Variants in UTP4 observed in about 807,000 individuals in gnomAD.
UTP4 encodes the protein U3 small nucleolar RNA-associated protein 4 homolog.
In UTP4, 45 loss-of-function variants were observed where a neutral mutation model predicts 82.4. That is an observed-to-expected ratio of 0.55 (90% CI 0.43 to 0.70). The LOEUF (loss-of-function observed/expected upper bound fraction) is 0.70, where lower values mean the gene tolerates loss of function less well. UTP4 is among the 30% of genes least tolerant of loss of function. The pLI is 0.00. For synonymous variants in UTP4, 348 were observed against 300.3 expected (o/e 1.16, Z -1.64); for missense variants, 819 against 858.3 (o/e 0.95, Z 0.57).
At chr16:69,159,809 G>A (rs781278289) in intron 12 of UTP4, among the ~76,000 whole-genome samples, 1 of 152,130 alleles carries the variant, frequency 6.6e-6, no homozygotes, top group Non-Finnish European at 1.5e-5. Flanking sequence ...CCAACATGGT[G>A]AAACCCCATC....
chr16:69,166,191 A>G, intron 15 of UTP4: 1 of 168,584 alleles, frequency 5.9e-6, no homozygotes, highest in Admixed American at 5.6e-5. Context: ...CATTGTGGCC[A>G]TGCCTGTCCT....
chr16:69,154,273 T>C (rs2152281336), intron 9 of UTP4, 120 bp from the exon 10 acceptor site: 1 of 773,320 alleles, frequency 1.3e-6, no homozygotes, highest in African/African-American at 1.7e-5. Flanking sequence ...AGTGAGCTTG[T>C]ATTTTTCTGA....
At position 69,153,677 on chromosome 16, in the gene UTP4, A is replaced by G. The variant is rs1331790193; in HGVS notation, c.1096A>G (p.Thr366Ala). 6 of 1,609,234 alleles carry G rather than the reference A, an allele frequency of 3.7e-6. No individual in the cohort carries two copies. Among genetic ancestry groups the G allele is most frequent in the Non-Finnish European group, 5.1e-6 (6 of 1,176,472 alleles). ...TTGGCGACTGGGATCCACAGTTGCA[A>G]CAGGTAAGATGGGAGCACGTTTTTT... The part of the protein sequence containing the change: ...ELWRLGSTVA[T>A]GKNGDTLPLS... Residue 366 changes from threonine (T) to alanine (A), a missense_variant, in exon 9 of 17, where the codon ACA (threonine) becomes GCA (alanine). Coordinates refer to ENST00000314423, the MANE Select transcript of UTP4 (RefSeq NM_032830.3).
At chr16:69,132,996 C>CG in intron 1 of UTP4, 1 of 235,166 alleles carries the variant, frequency 4.3e-6, no homozygotes, top group South Asian at 5.0e-5. Flanking sequence ...TGGCGGGCGT[C>CG]GGGGGGACGG....
Position 69,163,128 on chromosome 16 carries a change from G to A in UTP4, c.1597G>A (p.Ala533Thr), listed in dbSNP as rs1963606038. The change falls in exon 14 of 17, where the codon GCT (alanine) becomes ACT (threonine). Residue 533 changes from alanine (A) to threonine (T), a missense_variant. Ala to Thr is a moderately conservative substitution (Grantham distance 58, BLOSUM62 0). Transcript: ENST00000314423. The stretch of plus-strand genomic sequence containing the variant: ...TTACAATTTCCCAGTGACTGCTATG[G>A]CTATTGCCCCCAATACCAACAACCT... Reference protein sequence around the residue: ...PAYNFPVTAMAIAPNTNNLVI... With the variant: ...PAYNFPVTAMTIAPNTNNLVI... 6.2e-7 allele frequency: 1 copy of A among 1,614,142 alleles called. No homozygotes were observed. Among genetic ancestry groups the A allele is most frequent in the Non-Finnish European group, 8.5e-7 (1 of 1,180,024 alleles).
chr16:69,157,418 G>C (rs1220253234), intron 12 of UTP4, among the ~76,000 whole-genome samples, 178 bp downstream of exon 12: 3 of 152,134 alleles, frequency 2.0e-5, no homozygotes, highest in African/African-American at 7.2e-5. Context: ...CTCTCGATGA[G>C]ATCTGCAATG....
intron 6 of UTP4, among the ~76,000 whole-genome samples, chr16:69,144,200 C>CTTT (rs774169593): frequency 7.1e-6 from 1 of 140,590 alleles, no homozygotes; most frequent in Non-Finnish European, 1.5e-5. Flanking sequence ...TTTTCTCTCT[C>CTTT]TTTTTTTTTT....
chr16:69,152,636 A>G (rs1963305069), intron 8 of UTP4, among the ~76,000 whole-genome samples: 1 of 150,532 alleles, frequency 6.6e-6, no homozygotes. Flanking sequence ...CGCCTAGGTA[A>G]TTTTTTTTGT....
chr16:69,159,541 A>G (rs927560457), intron 12 of UTP4, among the ~76,000 whole-genome samples: 2 of 152,110 alleles, frequency 1.3e-5, no homozygotes, highest in Admixed American at 1.3e-4. Flanking sequence ...TACAAAAATT[A>G]GCTGGGTGTG....
At chr16:69,133,021 C>CA in intron 1 of UTP4, 1 of 261,874 alleles carries the variant, frequency 3.8e-6, no homozygotes, top group South Asian at 3.9e-5. Context: ...GGGTAAGTGA[C>CA]AGACGTCAGA....
chr16:69,156,996 T>G, intron 11 of UTP4, 88 bp from the exon 12 acceptor site: 1 of 1,399,258 alleles, frequency 7.1e-7, no homozygotes, highest in Non-Finnish European at 1.0e-6. Flanking sequence ...CAGGAAGCAT[T>G]AATGTACCTT....
intron 10 of UTP4, among the ~76,000 whole-genome samples, chr16:69,154,704 TTTTATTTATTTATTTA>T (rs34852514): frequency 1.4e-5 from 2 of 147,024 alleles, no homozygotes; most frequent in Non-Finnish European, 3.0e-5. Flanking sequence ...AATAATGTGC[TTTTATTTATTTATTTA>T]TTTATTTATT....
intron 11 of UTP4, among the ~76,000 whole-genome samples, chr16:69,156,543 C>G (rs1567378087): frequency 6.6e-6 from 1 of 151,806 alleles, no homozygotes; most frequent in Non-Finnish European, 1.5e-5. Context: ...ACCGCAATCT[C>G]TGCCTCTCGG....
rs138835335 is a variant in UTP4 at position 69,141,021 on chromosome 16, G to A, written c.526+1107G>A. Among the ~76,000 whole-genome samples, 11 of 152,000 alleles carry A rather than the reference G, an allele frequency of 7.2e-5. No individual in the cohort carries two copies. In the East Asian group the frequency reaches 1.7e-3, roughly 24 times the overall value. On this transcript the variant is annotated intron_variant, in intron 5 of 16. Coordinates refer to ENST00000314423, the MANE Select transcript of UTP4 (RefSeq NM_032830.3). Reference sequence around the variant, plus strand: ...ACATAGTAAATTTTCTTTCTTTTCCGGTATACTTATTGTTTAATAGTGTCT... The same window carrying A: ...ACATAGTAAATTTTCTTTCTTTTCCAGTATACTTATTGTTTAATAGTGTCT...
intron 13 of UTP4, among the ~76,000 whole-genome samples, chr16:69,162,129 A>G (rs1428018247): frequency 2.6e-5 from 4 of 151,720 alleles, no homozygotes; most frequent in Non-Finnish European, 5.9e-5. Context: ...CACCACACCC[A>G]GCTAATTTTT....
rs1011903554 is a variant in UTP4 at position 69,155,742 on chromosome 16, G to A, written c.1165-129G>A. The A allele has an allele frequency of 1.3e-5, 13 of 983,656 alleles. No homozygotes were observed. The African/African-American group carries it at 1.9e-4, about 14-fold the overall frequency. The allele number at this position is 983,656 out of a possible 1,614,324, so 60.9% of individuals were successfully genotyped here. On this transcript the variant is annotated intron_variant, in intron 10 of 16. Coordinates refer to ENST00000314423, the MANE Select transcript of UTP4 (RefSeq NM_032830.3). ...ATAATCATATTAATGCAGACCACACGAGGATCGAGATTATGTGTAGATATC... is the reference window on the plus strand; with the variant it reads ...ATAATCATATTAATGCAGACCACACAAGGATCGAGATTATGTGTAGATATC...
At chr16:69,154,270 T>C in intron 9 of UTP4, 123 bp from the exon 10 acceptor site, 5 of 755,438 alleles carry the variant, frequency 6.6e-6, no homozygotes. Context: ...CTCAGTGAGC[T>C]TGTATTTTTC....
At chr16:69,163,684 T>TA (rs35216155) in intron 14 of UTP4, among the ~76,000 whole-genome samples, 27,069 of 142,252 alleles carry the variant, frequency 0.19, 2,822 homozygotes, top group African/African-American at 0.29. Context: ...AGGAGATCTT[T>TA]AAAAAAAAAA....
chr16:69,165,261 C>A, intron 14 of UTP4, 80 bp from the exon 15 acceptor site: 3 of 1,212,600 alleles, frequency 2.5e-6, no homozygotes, highest in Non-Finnish European at 3.7e-6. Flanking sequence ...TGTATAGATA[C>A]TTTCTGGTTA....
Sources: allele counts gnomAD v4.1 joint callset (sites outside exome capture counted in the v4.1 genomes callset), GRCh38; gene constraint gnomAD v4.1.1; transcripts MANE v1.5; gene names NCBI Gene and HGNC (gene_info 2026-07-23, HGNC 2026-07-21).